Variants in KCNIP4 observed in about 807,000 individuals in gnomAD.
KCNIP4 encodes potassium voltage-gated channel interacting protein 4, also known as Kv channel-interacting protein 4.
KCNIP4 carries 12 observed loss-of-function variants against 34.0 expected under a neutral mutation model. That is an observed-to-expected ratio of 0.35 (90% CI 0.23 to 0.57). KCNIP4 has a LOEUF of 0.57. Ranked by LOEUF, KCNIP4 falls within the 20% of genes least tolerant of loss-of-function variation. The probability of loss-of-function intolerance (pLI) is 0.83; values close to 1 mark genes in which losing one functional copy is unlikely to be tolerated. For missense variants in KCNIP4, 238 were observed against 311.7 expected, an observed-to-expected ratio of 0.76 and a Z score of 1.78; for synonymous variants, 124 against 102.2, an observed-to-expected ratio of 1.21 and a Z score of -1.29.
chr4:20,877,520 T>G (rs1372877789), intron 2 of KCNIP4, among the ~76,000 whole-genome samples: 1 of 152,192 alleles, frequency 6.6e-6, no homozygotes, highest in Admixed American at 6.5e-5. Flanking sequence ...CTCTGTGATT[T>G]TGAGCAAATA....
intron 1 of KCNIP4, among the ~76,000 whole-genome samples, chr4:21,784,186 G>C (rs763532281): frequency 1.5e-4 from 23 of 152,060 alleles, no homozygotes; most frequent in Non-Finnish European, 2.6e-4. Context: ...TAGATCTCGT[G>C]AGAACCCACT....
intron 1 of KCNIP4, among the ~76,000 whole-genome samples, chr4:21,671,842 C>T (rs568186900): frequency 6.6e-6 from 1 of 152,128 alleles, no homozygotes; most frequent in South Asian, 2.1e-4. Flanking sequence ...AAGTTAGATA[C>T]CCAAAAAATT....
intron 1 of KCNIP4, among the ~76,000 whole-genome samples, chr4:20,897,872 G>A (rs995953954): frequency 6.6e-6 from 1 of 152,072 alleles, no homozygotes; most frequent in African/African-American, 2.4e-5. Flanking sequence ...ATTTTCTTAC[G>A]GCAGCCTATG....
intron 1 of KCNIP4, among the ~76,000 whole-genome samples, chr4:21,586,861 T>C (rs1006421947): frequency 5.3e-5 from 8 of 152,098 alleles, no homozygotes; most frequent in African/African-American, 1.9e-4. Context: ...GAACTCAGGC[T>C]ATTTTTTAAT....
intron 1 of KCNIP4, among the ~76,000 whole-genome samples, chr4:21,312,131 G>T (rs1421927778): frequency 6.6e-6 from 1 of 152,036 alleles, no homozygotes; most frequent in Non-Finnish European, 1.5e-5. Flanking sequence ...CAATAGACAG[G>T]GACTCAAACA....
intron 1 of KCNIP4, among the ~76,000 whole-genome samples, chr4:21,366,035 T>C (rs549143782): frequency 6.6e-6 from 1 of 152,356 alleles, no homozygotes; most frequent in Admixed American, 6.5e-5. Flanking sequence ...TGCTTGATGA[T>C]CCTATCATAG....
intron 1 of KCNIP4, among the ~76,000 whole-genome samples, chr4:21,933,838 A>G (rs143231173): frequency 1.6e-4 from 24 of 152,268 alleles, no homozygotes; most frequent in African/African-American, 5.5e-4. Context: ...CTGTTTTATC[A>G]GTACCTTTAA....
At chr4:21,512,034 G>A (rs1403628823) in intron 1 of KCNIP4, among the ~76,000 whole-genome samples, 1 of 148,152 alleles carries the variant, frequency 6.7e-6, no homozygotes, top group Non-Finnish European at 1.5e-5. Flanking sequence ...AGGAAGAGAA[G>A]GAAGGAGGGA....
chr4:21,719,541 G>C (rs748117712), intron 1 of KCNIP4, among the ~76,000 whole-genome samples: 2 of 152,158 alleles, frequency 1.3e-5, no homozygotes, highest in Non-Finnish European at 2.9e-5. Flanking sequence ...AATATTTGCT[G>C]AATAAATAAA....
At chr4:21,005,252 G>T (rs1738458659) in intron 1 of KCNIP4, among the ~76,000 whole-genome samples, 1 of 152,116 alleles carries the variant, frequency 6.6e-6, no homozygotes, top group Admixed American at 6.5e-5. Context: ...ACATCCACCT[G>T]GTCACATGGA....
intron 3 of KCNIP4, among the ~76,000 whole-genome samples, chr4:20,788,072 G>T (rs946493078): frequency 3.3e-5 from 5 of 151,550 alleles, no homozygotes; most frequent in Non-Finnish European, 7.4e-5. Context: ...TCATTTACTT[G>T]TATGTATTGC....
chr4:21,660,787 T>C (rs1381796388), intron 1 of KCNIP4, among the ~76,000 whole-genome samples: 2 of 152,166 alleles, frequency 1.3e-5, no homozygotes, highest in Non-Finnish European at 1.5e-5. Flanking sequence ...GTTGTAGTGA[T>C]GACAGTGATA....
intron 1 of KCNIP4, among the ~76,000 whole-genome samples, chr4:21,131,632 C>CAAAAAT (rs1175495705): frequency 6.6e-6 from 1 of 151,844 alleles, no homozygotes; most frequent in East Asian, 1.9e-4. Context: ...AAAACAAAAA[C>CAAAAAT]AAAAATAAAA....
intron 1 of KCNIP4, among the ~76,000 whole-genome samples, chr4:21,012,424 A>G (rs1015154597): frequency 6.6e-6 from 1 of 152,084 alleles, no homozygotes; most frequent in African/African-American, 2.4e-5. Context: ...ACAAAAATAA[A>G]AATAAAAAAA....
intron 1 of KCNIP4, among the ~76,000 whole-genome samples, chr4:21,900,823 C>A (rs1472617797): frequency 6.6e-6 from 1 of 152,118 alleles, no homozygotes; most frequent in Non-Finnish European, 1.5e-5. Context: ...AGATTCAGAT[C>A]CACTTCAAAA....
chr4:21,648,687 C>T (rs1747226595), intron 1 of KCNIP4, among the ~76,000 whole-genome samples: 1 of 152,208 alleles, frequency 6.6e-6, no homozygotes, highest in East Asian at 1.9e-4. Context: ...AATTTTCATT[C>T]ACATATAGAT....
intron 1 of KCNIP4, among the ~76,000 whole-genome samples, chr4:21,794,951 C>T (rs769651466): frequency 1.9e-4 from 29 of 152,158 alleles, no homozygotes; most frequent in Admixed American, 5.2e-4. Flanking sequence ...CCTGAAGTTC[C>T]CTTCGTCTCT....
chr4:20,975,660 A>G (rs1735415728), intron 1 of KCNIP4, among the ~76,000 whole-genome samples: 1 of 152,226 alleles, frequency 6.6e-6, no homozygotes, highest in Non-Finnish European at 1.5e-5. Context: ...CAGAAGGGAT[A>G]GAAAAACCTA....
intron 1 of KCNIP4, among the ~76,000 whole-genome samples, chr4:21,464,101 C>T (rs1223871749): frequency 6.6e-6 from 1 of 151,702 alleles, no homozygotes; most frequent in Non-Finnish European, 1.5e-5. Context: ...TACCTTCTTT[C>T]CTTTCTTCTT....
Sources: allele counts gnomAD v4.1 joint callset (sites outside exome capture counted in the v4.1 genomes callset), GRCh38; gene constraint gnomAD v4.1.1; transcripts MANE v1.5; gene names NCBI Gene and HGNC (gene_info 2026-07-23, HGNC 2026-07-21).